Variants in SPSB1 observed in about 807,000 individuals in gnomAD.
The protein encoded by SPSB1 is splA/ryanodine receptor domain and SOCS box containing 1.
Under a neutral mutation model 21.2 loss-of-function variants are expected in SPSB1, and 8 were observed. The observed-to-expected ratio is 0.38, with a 90% CI of 0.22 to 0.68. The LOEUF is 0.68. Ranked by LOEUF, SPSB1 falls within the 30% of genes least tolerant of loss-of-function variation. SPSB1 has a pLI of 0.53. For synonymous variants in SPSB1, 169 were observed against 161.7 expected (o/e 1.05, Z -0.34); for missense variants, 242 against 377.8 (o/e 0.64, Z 2.98).
chr1:9,326,363 A>T (rs1639816573), intron 1 of SPSB1, among the ~76,000 whole-genome samples: 1 of 152,106 alleles, frequency 6.6e-6, no homozygotes, highest in South Asian at 2.1e-4. Context: ...GCCCCGTGGA[A>T]GCTCTTGGAG....
intron 1 of SPSB1, among the ~76,000 whole-genome samples, chr1:9,306,884 T>C (rs1288514020): frequency 2.0e-5 from 3 of 151,850 alleles, no homozygotes; most frequent in Non-Finnish European, 2.9e-5. Flanking sequence ...CTCTGTGACA[T>C]TGGCTAATTA....
chr1:9,357,976 C>T (rs1298053447), intron 2 of SPSB1, among the ~76,000 whole-genome samples: 1 of 152,202 alleles, frequency 6.6e-6, no homozygotes, highest in Non-Finnish European at 1.5e-5. Flanking sequence ...TTCAGCTCAG[C>T]ACCCTGAGCT....
chr1:9,343,586 G>A (rs1257774688), intron 1 of SPSB1, among the ~76,000 whole-genome samples: 2 of 152,158 alleles, frequency 1.3e-5, no homozygotes. Context: ...AAAAGGCAGG[G>A]AATTCATAAG....
At chr1:9,354,089 C>T (rs1249307111) in intron 1 of SPSB1, among the ~76,000 whole-genome samples, 2 of 152,142 alleles carry the variant, frequency 1.3e-5, no homozygotes, top group Non-Finnish European at 2.9e-5. Flanking sequence ...TCTCGTGGGG[C>T]CTCTTCCCAG....
In SPSB1 at chr1:9,317,522, C is replaced by T. The variant is rs1639635028; in HGVS notation, c.-150+24451C>T. On this transcript the variant is annotated intron_variant, in intron 1 of 2. Coordinates refer to ENST00000328089, the MANE Select transcript of SPSB1 (RefSeq NM_025106.4). The surrounding 1 kb of genome is among the most constrained non-coding windows in gnomAD (Gnocchi z 4.3). ...TTTTTGAGACAGAGTCTTGCTTTGTCACCCAGGCTGGGGACAAAGCTCACT... is the reference window on the plus strand; with the variant it reads ...TTTTTGAGACAGAGTCTTGCTTTGTTACCCAGGCTGGGGACAAAGCTCACT... Among the ~76,000 whole-genome samples, 1 of 152,118 alleles carries T rather than the reference C, an allele frequency of 6.6e-6. No individual in the cohort carries two copies. The highest frequency in any genetic ancestry group is 2.4e-5 in the African/African-American group (1 of 41,416).
At chr1:9,302,476 A>C (rs1639350859) in intron 1 of SPSB1, among the ~76,000 whole-genome samples, 1 of 152,210 alleles carries the variant, frequency 6.6e-6, no homozygotes, top group South Asian at 2.1e-4. Context: ...CCATGTGGGC[A>C]GGCACCATCC....
At chr1:9,361,069 C>G (rs1470838744) in intron 2 of SPSB1, among the ~76,000 whole-genome samples, 1 of 151,574 alleles carries the variant, frequency 6.6e-6, no homozygotes, top group Non-Finnish European at 1.5e-5. Flanking sequence ...AGGGGGGTGT[C>G]CTGGTGAGAT....
intron 1 of SPSB1, 24 bp from the exon 2 acceptor site, chr1:9,355,719 G>GT: frequency 7.4e-7 from 1 of 1,351,474 alleles, no homozygotes; most frequent in Non-Finnish European, 9.5e-7. Flanking sequence ...CTGCTCACCG[G>GT]TTGTTTGTCT....
intron 1 of SPSB1, among the ~76,000 whole-genome samples, chr1:9,306,524 C>T (rs1243400637): frequency 1.3e-5 from 2 of 152,082 alleles, no homozygotes; most frequent in Admixed American, 6.6e-5. Context: ...GTCATTCAGT[C>T]GTCATAATGT....
chr1:9,319,992 C>T (rs1434991320), intron 1 of SPSB1, among the ~76,000 whole-genome samples: 3 of 152,076 alleles, frequency 2.0e-5, no homozygotes, highest in Non-Finnish European at 2.9e-5. Flanking sequence ...GCAGGACCCT[C>T]GACTTCTCAG....
Position 9,346,966 on chromosome 1 carries a change from A to G in SPSB1, c.-149-8777A>G, listed in dbSNP as rs190048477. ...CTTGGGATAGATCACTGTAGAAATA[A>G]TGTCCCTCTTCGGGATGGCCCCAAA... On this transcript the variant is annotated intron_variant, in intron 1 of 2. Transcript: ENST00000328089. This position sits in a 1 kb window ranked among gnomAD's most constrained non-coding sequence, Gnocchi z 4.4. 1.6e-4 allele frequency among the ~76,000 whole-genome samples: 24 copies of G among 152,364 alleles called. No homozygotes were observed. Among genetic ancestry groups the G allele is most frequent in the African/African-American group, 5.8e-4 (24 of 41,586 alleles).
rs1569639173 is a variant in SPSB1 at position 9,348,444 on chromosome 1, T to C, written c.-149-7299T>C. Among the ~76,000 whole-genome samples, 1 of 152,020 alleles carries C rather than the reference T, an allele frequency of 6.6e-6. No homozygotes were observed. Among genetic ancestry groups the C allele is most frequent in the East Asian group, 1.9e-4 (1 of 5,152 alleles). ...CAGCCTTCAGAGAGAATGGCTGCCCTAGATCATTAAAGGCTGAAGACAGGT... is the reference window on the plus strand; with the variant it reads ...CAGCCTTCAGAGAGAATGGCTGCCCCAGATCATTAAAGGCTGAAGACAGGT... On this transcript the variant is annotated intron_variant, in intron 1 of 2. Coordinates refer to ENST00000328089, the MANE Select transcript of SPSB1 (RefSeq NM_025106.4). This position sits in a 1 kb window ranked among gnomAD's most constrained non-coding sequence, Gnocchi z 4.8.
chr1:9,330,331 G>A (rs892326992), intron 1 of SPSB1, among the ~76,000 whole-genome samples: 7 of 152,138 alleles, frequency 4.6e-5, no homozygotes, highest in Middle Eastern at 3.2e-3. Flanking sequence ...AAAATTAGTC[G>A]GGCGTGGTGG....
intron 1 of SPSB1, among the ~76,000 whole-genome samples, chr1:9,341,692 G>A (rs1455134221): frequency 2.6e-5 from 4 of 152,126 alleles, no homozygotes; most frequent in Admixed American, 6.5e-5. Flanking sequence ...CGGTGACCAC[G>A]CTGGCCTGTG....
intron 1 of SPSB1, among the ~76,000 whole-genome samples, chr1:9,309,299 A>AGTGTGTGT (rs773941473): frequency 9.3e-6 from 1 of 108,040 alleles, no homozygotes; most frequent in African/African-American, 4.3e-5. Flanking sequence ...AGAGAGAGAG[A>AGTGTGTGT]GAGTGTGTGT....
chr1:9,344,626 G>A (rs1640141689), intron 1 of SPSB1, among the ~76,000 whole-genome samples: 1 of 152,170 alleles, frequency 6.6e-6, no homozygotes, highest in Non-Finnish European at 1.5e-5. Flanking sequence ...TTTGTGCCTG[G>A]AGCTTTATTA....
chr1:9,353,875 G>A lies in SPSB1; in HGVS notation c.-149-1868G>A, dbSNP rs563105247. 7.3e-5 allele frequency among the ~76,000 whole-genome samples: 11 copies of A among 150,372 alleles called. No individual in the cohort carries two copies. The South Asian group carries it at 8.4e-4, about 11-fold the overall frequency. On this transcript the variant is annotated intron_variant, in intron 1 of 2. Coordinates refer to ENST00000328089, the MANE Select transcript of SPSB1 (RefSeq NM_025106.4). ...GGAGGTTGCAGTGAGACGAGATAGC[G>A]CCATTGCACTCCAGCCTGGGCAACA...
chr1:9,321,209 A>C lies in SPSB1; in HGVS notation c.-150+28138A>C, dbSNP rs1639717434. On this transcript the variant is annotated intron_variant, in intron 1 of 2. Coordinates refer to ENST00000328089, the MANE Select transcript of SPSB1 (RefSeq NM_025106.4). The surrounding 1 kb of genome is among the most constrained non-coding windows in gnomAD (Gnocchi z 4.8). Reference sequence around the variant, plus strand: ...TTAGTTTAGTCTGCAGAGGCGTCTCAGGCGGTGGGCCTTAAACATTTACAT... The same window carrying C: ...TTAGTTTAGTCTGCAGAGGCGTCTCCGGCGGTGGGCCTTAAACATTTACAT... Among the ~76,000 whole-genome samples, 1 of 151,864 alleles carries C rather than the reference A, an allele frequency of 6.6e-6. No individual in the cohort carries two copies.
intron 1 of SPSB1, among the ~76,000 whole-genome samples, chr1:9,329,721 A>G (rs74868326): frequency 9.4e-4 from 140 of 149,406 alleles, no homozygotes; most frequent in African/African-American, 2.4e-3. Flanking sequence ...AAAAAAAAAA[A>G]AGAGAAAAGA....
Sources: gnomAD v4.1 joint callset for allele counts (sites outside exome capture counted in the v4.1 genomes callset) on GRCh38, gnomAD v4.1.1 for gene constraint, Gnocchi (gnomAD v3.1) non-coding constraint, MANE v1.5 for transcripts, NCBI Gene and HGNC (gene_info 2026-07-23, HGNC 2026-07-21) for gene names.